Variants in PAX2 observed in about 807,000 individuals in gnomAD.
PAX2 encodes the protein paired box 2.
In PAX2, 9 loss-of-function variants were observed where a neutral mutation model predicts 41.7. The observed-to-expected ratio is 0.22, with a 90% CI of 0.13 to 0.38. The LOEUF (loss-of-function observed/expected upper bound fraction) is 0.38. Ranked by LOEUF, PAX2 falls within the 10% of genes least tolerant of loss-of-function variation. The pLI is 1.00. For synonymous variants in PAX2, 221 were observed against 212.7 expected, an observed-to-expected ratio of 1.04 and a Z score of -0.34; for missense variants, 418 against 531.6, an observed-to-expected ratio of 0.79 and a Z score of 2.10.
At position 100,828,266 on chromosome 10, in the gene PAX2, CG is replaced by C. The variant is rs1848657541; in HGVS notation, c.*650del. 1 of 232,622 alleles carries C rather than the reference CG, an allele frequency of 4.3e-6. No individual in the cohort carries two copies. Among genetic ancestry groups the C allele is most frequent in the African/African-American group, 2.2e-5 (1 of 45,260 alleles). 14.4% of individuals were successfully genotyped at this position (232,622 alleles called of 1,614,324 possible). A position where few individuals can be genotyped will look rare whatever the true frequency, so the allele number is the denominator to read the frequency against. On this transcript the variant is annotated 3_prime_UTR_variant, in exon 10 of 10. Coordinates refer to ENST00000355243, the MANE Select transcript of PAX2 (RefSeq NM_000278.5). The surrounding 1 kb of genome is among the most constrained non-coding windows in gnomAD (Gnocchi z 6.5). ...GGGTGTGGGGGTCCGGCTCTAGGAA[CG>C]GGCTTTGGGGGCGTCAGGTCTTTCC... is the stretch of plus-strand genomic sequence containing the variant.
At chr10:100,759,512 G>A (rs1206086456) in intron 3 of PAX2, among the ~76,000 whole-genome samples, 4 of 152,192 alleles carry the variant, frequency 2.6e-5, no homozygotes, top group African/African-American at 7.2e-5. Flanking sequence ...CTGCCTGCTG[G>A]GGGTTGCAGA....
In PAX2 at chr10:100,778,804, C is replaced by T. The variant is rs533359297; in HGVS notation, c.411-694C>T. ...AAAGACGCTGCAATCCAAGTAAGAA[C>T]CTCAGAAAAGGAGGCCAGCAAACCA... is the stretch of plus-strand genomic sequence containing the variant. On this transcript the variant is annotated intron_variant, in intron 3 of 9. Coordinates refer to ENST00000355243, the MANE Select transcript of PAX2 (RefSeq NM_000278.5). Among the ~76,000 whole-genome samples the T allele has an allele frequency of 2.6e-5, 4 of 152,310 alleles. No individual in the cohort carries two copies. The East Asian group carries it at 7.7e-4, about 29-fold the overall frequency.
chr10:100,794,069 C>T (rs1338214654), intron 5 of PAX2, among the ~76,000 whole-genome samples: 1 of 152,148 alleles, frequency 6.6e-6, no homozygotes, highest in Non-Finnish European at 1.5e-5. Flanking sequence ...CTTGGCTGGG[C>T]TGGATGGTGA....
intron 1 of PAX2, chr10:100,749,059 C>A (rs1373316355): frequency 2.0e-6 from 2 of 985,368 alleles, no homozygotes; most frequent in East Asian, 2.3e-4. Context: ...TGCTCTACTT[C>A]AGATACTAAG....
chr10:100,746,370 C>A, intron 1 of PAX2, 67 bp downstream of exon 1: 1 of 1,134,478 alleles, frequency 8.8e-7, no homozygotes, highest in Non-Finnish European at 1.3e-6. Flanking sequence ...CCAGTCCCAG[C>A]GTGGCCCCGG....
chr10:100,797,313 T>C (rs1172343149), intron 5 of PAX2, among the ~76,000 whole-genome samples: 1 of 152,222 alleles, frequency 6.6e-6, no homozygotes, highest in Non-Finnish European at 1.5e-5. Flanking sequence ...AATTACCTAA[T>C]CTCTCTATCC....
intron 5 of PAX2, among the ~76,000 whole-genome samples, chr10:100,788,032 T>C (rs1235108879): frequency 1.3e-5 from 2 of 152,178 alleles, no homozygotes; most frequent in Non-Finnish European, 2.9e-5. Context: ...GAGGTGACAT[T>C]TGAATTTACA....
At chr10:100,770,162 C>T (rs1481790835) in intron 3 of PAX2, among the ~76,000 whole-genome samples, 2 of 152,204 alleles carry the variant, frequency 1.3e-5, no homozygotes, top group Admixed American at 1.3e-4. Flanking sequence ...GCGGGCCCTA[C>T]ATCTGCTGCT....
intron 1 of PAX2, among the ~76,000 whole-genome samples, chr10:100,736,397 C>T (rs545717875): frequency 1.3e-5 from 2 of 152,178 alleles, no homozygotes; most frequent in Non-Finnish European, 2.9e-5. Context: ...CAACTCAGCT[C>T]TGGACTGCCC....
chr10:100,774,775 T>C (rs935179372), intron 3 of PAX2, among the ~76,000 whole-genome samples: 1 of 152,214 alleles, frequency 6.6e-6, no homozygotes, highest in Non-Finnish European at 1.5e-5. Flanking sequence ...GAGAAGGGAA[T>C]AAGAAACTGC....
rs1327587101 is a variant in PAX2, at chr10:100,806,473, T to C, written c.660T>C (p.Gly220=). 9 of 1,614,088 alleles carry C rather than the reference T, an allele frequency of 5.6e-6. No homozygotes were observed. The highest frequency in any genetic ancestry group is 7.6e-6 in the Non-Finnish European group (9 of 1,180,046). Residue 220 remains glycine, a synonymous_variant, in exon 6 of 10, where the codon GGT becomes GGC. Coordinates refer to ENST00000355243, the MANE Select transcript of PAX2 (RefSeq NM_000278.5). ...GSVPNGDSQS[G]VDSLRKHLRA... is the part of the protein sequence containing the mutation. ...TCCCCAATGGAGATTCCCAGAGTGG[T>C]GTGGACAGTTTGCGGAAGCACTTGC...
intron 3 of PAX2, among the ~76,000 whole-genome samples, chr10:100,774,968 A>C (rs563320608): frequency 5.9e-5 from 9 of 152,254 alleles, no homozygotes; most frequent in Non-Finnish European, 1.3e-4. Context: ...GGAAAGGGCG[A>C]GCTCTCATCG....
chr10:100,748,555 A>C lies in PAX2; in HGVS notation c.44-1191A>C. 1.0e-6 allele frequency: 1 copy of C among 985,382 alleles called. No homozygotes were observed. 61.0% of individuals were successfully genotyped at this position (985,382 alleles called of 1,614,324 possible). On this transcript the variant is annotated intron_variant, in intron 1 of 9. Coordinates refer to ENST00000355243, the MANE Select transcript of PAX2 (RefSeq NM_000278.5). This position sits in a 1 kb window ranked among gnomAD's most constrained non-coding sequence, Gnocchi z 5.0. The stretch of plus-strand genomic sequence containing the variant: ...GGGCCGACCCGACTCGGCCGCTAGA[A>C]GTCTCTGCGCTTGGATTGCTCAGTA...
intron 7 of PAX2, among the ~76,000 whole-genome samples, chr10:100,817,906 T>C (rs1199380045): frequency 6.6e-6 from 1 of 152,250 alleles, no homozygotes; most frequent in African/African-American, 2.4e-5. Context: ...GTGTAATAGA[T>C]ATACGTTGAA....
At chr10:100,801,083 T>C (rs1847546486) in intron 5 of PAX2, among the ~76,000 whole-genome samples, 1 of 152,198 alleles carries the variant, frequency 6.6e-6, no homozygotes, top group Non-Finnish European at 1.5e-5. Flanking sequence ...CCCCACACTC[T>C]GGGCTCTGGC....
At chr10:100,766,889 G>A (rs1846048388) in intron 3 of PAX2, among the ~76,000 whole-genome samples, 1 of 152,084 alleles carries the variant, frequency 6.6e-6, no homozygotes, top group African/African-American at 2.4e-5. Context: ...TAATCTCTGA[G>A]ACATACATTA....
Position 100,805,073 on chromosome 10 carries a change from C to A in PAX2, c.617-1357C>A, listed in dbSNP as rs551403286. The stretch of plus-strand genomic sequence containing the variant: ...ACACACACACACACACACACACACA[C>A]ACTTTCTTTGCTTTCCCACCCCCTC... On this transcript the variant is annotated intron_variant, in intron 5 of 9. Coordinates refer to ENST00000355243, the MANE Select transcript of PAX2 (RefSeq NM_000278.5). 2.3e-5 allele frequency among the ~76,000 whole-genome samples: 3 copies of A among 132,160 alleles called. No individual in the cohort carries two copies. The East Asian group carries it at 7.4e-4, about 32-fold the overall frequency. 86.7% of individuals were successfully genotyped at this position (132,160 alleles called of 152,430 possible).
At chr10:100,813,905 T>TA (rs1193107989) in intron 7 of PAX2, among the ~76,000 whole-genome samples, 2 of 151,326 alleles carry the variant, frequency 1.3e-5, no homozygotes, top group Non-Finnish European at 2.9e-5. Flanking sequence ...GAGCTTACTG[T>TA]AAAAAAAAGT....
At chr10:100,790,629 C>A (rs539696645) in intron 5 of PAX2, among the ~76,000 whole-genome samples, 1 of 152,330 alleles carries the variant, frequency 6.6e-6, no homozygotes, top group African/African-American at 2.4e-5. Flanking sequence ...TGCAGACAAG[C>A]AGGAAGCTGA....
Sources: gnomAD v4.1 joint callset for allele counts (sites outside exome capture counted in the v4.1 genomes callset) on GRCh38, gnomAD v4.1.1 for gene constraint, Gnocchi (gnomAD v3.1) non-coding constraint, MANE v1.5 for transcripts, NCBI Gene and HGNC (gene_info 2026-07-23, HGNC 2026-07-21) for gene names.